MYO3A: variants seen among roughly 807,000 people sequenced by gnomAD.
MYO3A encodes myosin IIIA.
In MYO3A, 180 loss-of-function variants were observed where a neutral mutation model predicts 192.7. That is an observed-to-expected ratio of 0.93 (90% CI 0.83 to 1.06). The LOEUF is 1.06. MYO3A is among the 50% of genes least tolerant of loss of function. The pLI, the probability that MYO3A is intolerant of heterozygous loss-of-function variation, is 0.00. For missense variants in MYO3A, 1,896 were observed against 1,905.0 expected (o/e 1.00, Z 0.09); for synonymous variants, 628 against 645.3 (o/e 0.97, Z 0.41).
intron 20 of MYO3A, among the ~76,000 whole-genome samples, chr10:26,136,710 A>T (rs1449059550): frequency 6.6e-6 from 1 of 152,150 alleles, no homozygotes; most frequent in African/African-American, 2.4e-5. Context: ...TGGTGCTAAG[A>T]AATAAAAACA....
intron 4 of MYO3A, among the ~76,000 whole-genome samples, chr10:25,963,016 C>G (rs911898770): frequency 6.6e-6 from 1 of 152,096 alleles, no homozygotes; most frequent in Non-Finnish European, 1.5e-5. Flanking sequence ...GTTAAAAGAC[C>G]CTTTCCCTCA....
intron 10 of MYO3A, among the ~76,000 whole-genome samples, chr10:26,036,148 C>A (rs1843025109): frequency 6.6e-6 from 1 of 152,080 alleles, no homozygotes; most frequent in African/African-American, 2.4e-5. Flanking sequence ...ACTGTGTTAG[C>A]CAGAATGGTC....
intron 15 of MYO3A, among the ~76,000 whole-genome samples, chr10:26,092,797 C>T (rs1203033193): frequency 1.3e-5 from 2 of 152,178 alleles, no homozygotes; most frequent in Admixed American, 6.5e-5. Flanking sequence ...TGTCCCCAGG[C>T]GGTCCTGACC....
intron 4 of MYO3A, among the ~76,000 whole-genome samples, chr10:25,965,540 A>C (rs986701146): frequency 6.6e-6 from 1 of 152,052 alleles, no homozygotes; most frequent in African/African-American, 2.4e-5. Flanking sequence ...TGGCTGCCCC[A>C]GTTGGTGTCT....
At chr10:26,178,548 G>A (rs1372808497) in intron 31 of MYO3A, among the ~76,000 whole-genome samples, 8 of 146,132 alleles carry the variant, frequency 5.5e-5, no homozygotes, top group African/African-American at 1.8e-4. Flanking sequence ...GCGAGACTCT[G>A]TCTCAAAAAA....
chr10:26,151,573 T>A (rs1466441631), intron 23 of MYO3A, among the ~76,000 whole-genome samples: 3 of 152,174 alleles, frequency 2.0e-5, no homozygotes, highest in Middle Eastern at 6.8e-3. Flanking sequence ...CAAAGTAGGG[T>A]TTTTCTAAAC....
At chr10:26,152,977 C>T (rs970263089) in intron 23 of MYO3A, among the ~76,000 whole-genome samples, 30 of 152,168 alleles carry the variant, frequency 2.0e-4, no homozygotes, top group African/African-American at 7.2e-4. Flanking sequence ...AAACATTCAG[C>T]CTCTACTTAT....
chr10:26,210,147 GAAGA>G (rs1168238407), intron 34 of MYO3A, among the ~76,000 whole-genome samples: 2 of 134,742 alleles, frequency 1.5e-5, no homozygotes, highest in Admixed American at 7.5e-5. Flanking sequence ...AGGAAGGAAG[GAAGA>G]AAGGAAGGAA....
rs544450637 is a variant in MYO3A, at chr10:25,980,067, T to C, written c.304-16423T>C. 1.2e-4 allele frequency among the ~76,000 whole-genome samples: 19 copies of C among 152,200 alleles called. 1 individual carries two copies. Among genetic ancestry groups the C allele is most frequent in the Admixed American group, 1.1e-3 (17 of 15,292 alleles). On this transcript the variant is annotated intron_variant, in intron 4 of 34. Coordinates refer to ENST00000642920, the MANE Select transcript of MYO3A (RefSeq NM_017433.5). ...CTGGATAACACGGTGAAACCCCTTC[T>C]GTACTAAAAAATACAAAAAATTAGC...
chr10:26,169,316 ATACTT>A (rs1841926210), intron 28 of MYO3A, among the ~76,000 whole-genome samples: 1 of 152,186 alleles, frequency 6.6e-6, no homozygotes, highest in Non-Finnish European at 1.5e-5. Context: ...ATTTATAACC[ATACTT>A]TACTTCACAT....
chr10:26,081,163 G>A (rs1835930999), intron 14 of MYO3A, among the ~76,000 whole-genome samples: 2 of 107,652 alleles, frequency 1.9e-5, no homozygotes, highest in African/African-American at 6.5e-5. Context: ...CTACCAGGGT[G>A]GGTAGGGAAG....
intron 4 of MYO3A, among the ~76,000 whole-genome samples, chr10:25,974,223 A>T (rs1378954060): frequency 6.6e-6 from 1 of 152,220 alleles, no homozygotes; most frequent in East Asian, 1.9e-4. Context: ...AGAATCTACA[A>T]GAAACTTAAG....
intron 10 of MYO3A, 130 bp downstream of exon 10, chr10:26,026,662 A>C: frequency 9.5e-7 from 1 of 1,053,550 alleles, no homozygotes. Flanking sequence ...AGTGAATGTC[A>C]CCTGTTGAAA....
Position 25,935,750 on chromosome 10 carries a change from G to A in MYO3A, c.-98G>A, listed in dbSNP as rs1352304288. On this transcript the variant is annotated 5_prime_UTR_variant, in exon 2 of 35. Coordinates refer to ENST00000642920, the MANE Select transcript of MYO3A (RefSeq NM_017433.5). ...TTTTTGTTTTGGGTTACAGGCCCAG[G>A]GCCCCAGTGCAGCCTGGACACAGTA... is the stretch of plus-strand genomic sequence containing the variant. The A allele has an allele frequency of 2.0e-5, 3 of 152,138 alleles. No individual in the cohort carries two copies. Among genetic ancestry groups the A allele is most frequent in the African/African-American group, 4.8e-5 (2 of 41,412 alleles). The allele number at this position is 152,138 out of a possible 1,614,324, so 9.4% of individuals were successfully genotyped here.
At chr10:26,195,463 A>G (rs570272895) in intron 32 of MYO3A, among the ~76,000 whole-genome samples, 15 of 152,284 alleles carry the variant, frequency 9.9e-5, no homozygotes, top group African/African-American at 2.6e-4. Flanking sequence ...TATTTCTAAA[A>G]TTAATATCCA....
chr10:26,147,340 T>G, intron 22 of MYO3A, 90 bp from the exon 23 acceptor site: 76 of 1,316,956 alleles, frequency 5.8e-5, no homozygotes, highest in Middle Eastern at 1.8e-4. Context: ...AAGCTCATAA[T>G]GAGTATCTGT....
At chr10:26,153,701 C>T in intron 23 of MYO3A, 149 bp from the exon 24 acceptor site, 16 of 548,618 alleles carry the variant, frequency 2.9e-5, no homozygotes, top group South Asian at 5.0e-5. Context: ...TTTTTTATTC[C>T]TAAGTTCCTC....
intron 6 of MYO3A, among the ~76,000 whole-genome samples, chr10:26,010,759 G>A (rs1041067020): frequency 3.9e-5 from 6 of 152,074 alleles, no homozygotes; most frequent in South Asian, 2.1e-4. Context: ...ACCGCACCCC[G>A]CCAAGATTCA....
chr10:26,046,510 A>T (rs981868918), intron 10 of MYO3A, among the ~76,000 whole-genome samples: 2 of 152,180 alleles, frequency 1.3e-5, no homozygotes, highest in Non-Finnish European at 2.9e-5. Flanking sequence ...GGAGCACATA[A>T]ACGGAACATT....
Sources: gnomAD v4.1 joint callset for allele counts (sites outside exome capture counted in the v4.1 genomes callset) on GRCh38, gnomAD v4.1.1 for gene constraint, MANE v1.5 for transcripts, NCBI Gene and HGNC (gene_info 2026-07-23, HGNC 2026-07-21) for gene names.